The following HMGCS2 variants were observed in gnomAD, a reference collection of about 807,000 sequenced individuals.
The protein encoded by HMGCS2 is 3-hydroxy-3-methylglutaryl-CoA synthase 2, also known as hydroxymethylglutaryl-CoA synthase, mitochondrial.
HMGCS2 carries 50 observed loss-of-function variants against 57.4 expected under a neutral mutation model. The ratio of observed to expected loss-of-function variants is 0.87; its 90% CI spans 0.69 to 1.10. The LOEUF (loss-of-function observed/expected upper bound fraction) is 1.10. Among genes scored for constraint, HMGCS2 ranks in the 50% least tolerant of loss-of-function variants. The pLI, the probability that HMGCS2 is intolerant of heterozygous loss-of-function variation, is 0.00. For synonymous variants in HMGCS2, 254 were observed against 245.1 expected (o/e 1.04, Z -0.34); for missense variants, 627 against 636.5 (o/e 0.99, Z 0.16).
At position 119,753,305 on chromosome 1, in the gene HMGCS2, A is replaced by C; in HGVS notation, c.1269T>G (p.Phe423Leu). Residue 423 changes from phenylalanine to leucine, a missense_variant, in exon 7 of 10, where the codon TTT becomes TTG. Phe to Leu is a conservative substitution (Grantham distance 22). Transcript: ENST00000369406. The part of the protein sequence containing the change: ...GSGLAASFFS[F>L]RVSQDAAPGS... The stretch of plus-strand genomic sequence containing the variant: ...CTGGAGCAGCATCCTGGGATACTCG[A>C]AATGAAAAGAAACTTGCTGCTAAAC... 1 of 1,613,378 alleles carries C rather than the reference A, an allele frequency of 6.2e-7. No homozygotes were observed. The highest frequency in any genetic ancestry group is 8.5e-7 in the Non-Finnish European group (1 of 1,179,500).
chr1:119,768,791 C>CACCG lies in HMGCS2; in HGVS notation c.50_53dup (p.Gln19GlyfsTer55), dbSNP rs1557996143. The CACCG allele has an allele frequency of 6.2e-7, 1 of 1,614,126 alleles. No homozygotes were observed. The highest frequency in any genetic ancestry group is 1.7e-5 in the Admixed American group (1 of 60,018). On this transcript the variant is annotated frameshift_variant, in exon 1 of 10. Coordinates refer to ENST00000369406, the MANE Select transcript of HMGCS2 (RefSeq NM_005518.4). LOFTEE classifies it high-confidence loss of function. ...GAGCAGGTGTGAGGGAGGTTTCCTG[C>CACCG]ACCGCTCTTGTCAGTTGCAGAATGC... is the stretch of plus-strand genomic sequence containing the variant.
chr1:119,762,391 T>C (rs1245246411), intron 2 of HMGCS2, among the ~76,000 whole-genome samples: 1 of 152,198 alleles, frequency 6.6e-6, no homozygotes, highest in Non-Finnish European at 1.5e-5. Flanking sequence ...CTTTGCTTTA[T>C]ATACTTTTGT....
At chr1:119,750,170 G>A (rs1486710413) in intron 9 of HMGCS2, among the ~76,000 whole-genome samples, 1 of 152,174 alleles carries the variant, frequency 6.6e-6, no homozygotes, top group African/African-American at 2.4e-5. Flanking sequence ...TCCAGCAGAA[G>A]TATCTGGCTT....
chr1:119,758,450 T>A (rs1652925357), intron 4 of HMGCS2, among the ~76,000 whole-genome samples: 1 of 152,080 alleles, frequency 6.6e-6, no homozygotes. Flanking sequence ...GTTGCCCACA[T>A]TGGTCTCAAA....
intron 4 of HMGCS2, among the ~76,000 whole-genome samples, chr1:119,758,613 A>T (rs1652929477): frequency 6.6e-6 from 1 of 152,256 alleles, no homozygotes; most frequent in Admixed American, 6.5e-5. Flanking sequence ...CAGGAGGGAA[A>T]TTCCAAAACT....
At chr1:119,755,156 A>G (rs1652792658) in intron 6 of HMGCS2, among the ~76,000 whole-genome samples, 1 of 152,072 alleles carries the variant, frequency 6.6e-6, no homozygotes, top group African/African-American at 2.4e-5. Context: ...AGCTGGGACC[A>G]CACGTGCACA....
At chr1:119,755,831 G>A (rs1652820592) in intron 5 of HMGCS2, among the ~76,000 whole-genome samples, 1 of 152,046 alleles carries the variant, frequency 6.6e-6, no homozygotes, top group Non-Finnish European at 1.5e-5. Flanking sequence ...GAGCTTACTA[G>A]AAAATTAGAA....
intron 2 of HMGCS2, among the ~76,000 whole-genome samples, chr1:119,760,537 A>G (rs1392353734): frequency 1.3e-5 from 2 of 152,306 alleles, no homozygotes; most frequent in East Asian, 1.9e-4. Context: ...CCCAGTTCTG[A>G]CTGGATCCTG....
intron 8 of HMGCS2, among the ~76,000 whole-genome samples, chr1:119,751,655 G>C (rs1353478652): frequency 2.0e-5 from 3 of 152,056 alleles, no homozygotes; most frequent in African/African-American, 7.2e-5. Context: ...TGATCCACCT[G>C]CCTCTGCCTC....
rs746197576 is a variant in HMGCS2, at chr1:119,752,591, ACTC to A, written c.1375_1377del (p.Glu459del). Reference sequence around the variant, plus strand: ...TCTCTTTGGTTCATTATTTCTGTGAACTCCTCAGGAGACACACACTTTCGGGAG... The same window carrying A: ...TCTCTTTGGTTCATTATTTCTGTGAACTCAGGAGACACACACTTTCGGGAG... On this transcript the variant is annotated inframe_deletion, in exon 8 of 10. Transcript: ENST00000369406. 1 of 1,613,016 alleles carries A rather than the reference ACTC, an allele frequency of 6.2e-7. No individual in the cohort carries two copies. Among genetic ancestry groups the A allele is most frequent in the African/African-American group, 1.3e-5 (1 of 74,520 alleles).
chr1:119,759,405 C>T, intron 3 of HMGCS2, 123 bp from the exon 4 acceptor site: 1 of 910,496 alleles, frequency 1.1e-6, no homozygotes, highest in Non-Finnish European at 1.8e-6. Flanking sequence ...CAAGTTCAAG[C>T]CCATTCAACA....
At position 119,759,996 on chromosome 1, in the gene HMGCS2, A is replaced by G. The variant is rs1467186630; in HGVS notation, c.560-7T>C. On this transcript the variant is annotated splice_polypyrimidine_tract_variant and splice_region_variant and intron_variant, in intron 2 of 9. Coordinates refer to ENST00000369406, the MANE Select transcript of HMGCS2 (RefSeq NM_005518.4). The stretch of plus-strand genomic sequence containing the variant: ...ACCACCATGGCATAACGACCTGTAA[A>G]GAGAAACAAGAAATATTTACCATCA... 3 of 1,613,564 alleles carry G rather than the reference A, an allele frequency of 1.9e-6. No homozygotes were observed. The South Asian group carries it at 3.3e-5, about 18-fold the overall frequency.
At chr1:119,757,196 C>T in intron 5 of HMGCS2, 77 bp downstream of exon 5, 1 of 1,610,468 alleles carries the variant, frequency 6.2e-7, no homozygotes, top group Non-Finnish European at 8.5e-7. Flanking sequence ...TGCTGGTGGT[C>T]TAGACTTAAG....
At chr1:119,760,026 C>G (rs181936538) in intron 2 of HMGCS2, 37 bp from the exon 3 acceptor site, 474 of 1,604,668 alleles carry the variant, frequency 3.0e-4, no homozygotes, top group Non-Finnish European at 3.8e-4. Flanking sequence ...CCATCATTAC[C>G]AAATCTAGAG....
chr1:119,759,284 T>C lies in HMGCS2; in HGVS notation c.686-2A>G. On this transcript the variant is annotated splice_acceptor_variant, in intron 3 of 9. Coordinates refer to ENST00000369406, the MANE Select transcript of HMGCS2 (RefSeq NM_005518.4). LOFTEE classifies it high-confidence loss of function. The stretch of plus-strand genomic sequence containing the variant: ...TCTCCATATGGGTTCCCCTCAGCCC[T>C]GGAAAGGCACACAAAGTGTTTCAGA... The C allele has an allele frequency of 6.2e-7, 1 of 1,613,678 alleles. No homozygotes were observed. Among genetic ancestry groups the C allele is most frequent in the Non-Finnish European group, 8.5e-7 (1 of 1,179,792 alleles).
At chr1:119,762,125 C>A (rs1187277032) in intron 2 of HMGCS2, among the ~76,000 whole-genome samples, 1 of 152,130 alleles carries the variant, frequency 6.6e-6, no homozygotes, top group African/African-American at 2.4e-5. Flanking sequence ...AAATATCCAT[C>A]AATATGGGAT....
intron 3 of HMGCS2, 35 bp from the exon 4 acceptor site, chr1:119,759,317 C>A (rs1266886310): frequency 6.2e-7 from 1 of 1,601,112 alleles, no homozygotes. Flanking sequence ...AGAGACTACA[C>A]AATGCAGCCT....
chr1:119,768,687 C>T, intron 1 of HMGCS2, 54 bp downstream of exon 1: 3 of 1,314,882 alleles, frequency 2.3e-6, no homozygotes, highest in Middle Eastern at 3.8e-4. Flanking sequence ...TCCCCAATAG[C>T]AGGGAAAAAC....
Position 119,759,993 on chromosome 1 carries a change from T to C in HMGCS2, c.560-4A>G, listed in dbSNP as rs1289307889. On this transcript the variant is annotated splice_polypyrimidine_tract_variant and splice_region_variant and intron_variant, in intron 2 of 9. Coordinates refer to ENST00000369406, the MANE Select transcript of HMGCS2 (RefSeq NM_005518.4). ...CAGACCACCATGGCATAACGACCTG[T>C]AAAGAGAAACAAGAAATATTTACCA... 1.9e-6 allele frequency: 3 copies of C among 1,613,570 alleles called. No individual in the cohort carries two copies. The highest frequency in any genetic ancestry group is 2.5e-6 in the Non-Finnish European group (3 of 1,179,716).
Sources: gnomAD v4.1 joint callset for allele counts (sites outside exome capture counted in the v4.1 genomes callset) on GRCh38, gnomAD v4.1.1 for gene constraint, MANE v1.5 for transcripts, NCBI Gene and HGNC (gene_info 2026-07-23, HGNC 2026-07-21) for gene names.